KLF8: variants seen among roughly 807,000 people sequenced by gnomAD.
The protein encoded by KLF8 is KLF transcription factor 8.
Under a neutral mutation model 18.2 loss-of-function variants are expected in KLF8, and 10 were observed. The observed-to-expected ratio is 0.55, with a 90% CI of 0.34 to 0.93. KLF8 has a LOEUF of 0.93. Among genes scored for constraint, KLF8 ranks in the 40% least tolerant of loss-of-function variants. The probability of loss-of-function intolerance (pLI) is 0.02; values close to 1 mark genes in which losing one functional copy is unlikely to be tolerated. For synonymous variants in KLF8, 109 were observed against 97.3 expected (o/e 1.12, Z -0.71); for missense variants, 264 against 277.9 (o/e 0.95, Z 0.36).
chrX:56,244,317 C>T (rs2066593324), intron 1 of KLF8, among the ~76,000 whole-genome samples: 1 of 111,832 alleles, frequency 8.9e-6, no homozygotes, highest in Non-Finnish European at 1.9e-5. Flanking sequence ...TCATGTGATC[C>T]TCTTGCCTCA....
At chrX:56,071,701 C>G in the KLF8 span, among the ~76,000 whole-genome samples, 100 of 111,700 alleles carry the variant, frequency 9.0e-4, no homozygotes, top group African/African-American at 2.8e-3. Flanking sequence ...ATGAATAAAA[C>G]AGTACCTAAT....
At chrX:56,135,582 G>A in the KLF8 span, among the ~76,000 whole-genome samples, 1 of 110,565 alleles carries the variant, frequency 9.0e-6, no homozygotes, top group Non-Finnish European at 1.9e-5. Flanking sequence ...GATAGCTTTA[G>A]GAGATATACC....
At chrX:56,071,579 G>A in the KLF8 span, among the ~76,000 whole-genome samples, 1 of 111,724 alleles carries the variant, frequency 9.0e-6, no homozygotes, top group Non-Finnish European at 1.9e-5. Context: ...AGCTTGTGCA[G>A]GATTTTTAAT....
chrX:56,197,362 G>C, the KLF8 span, among the ~76,000 whole-genome samples: 1 of 111,034 alleles, frequency 9.0e-6, no homozygotes, highest in Non-Finnish European at 1.9e-5. Flanking sequence ...TAATAAAAAA[G>C]ACAGATGAAT....
chrX:56,123,309 G>GAAAGA, the KLF8 span, among the ~76,000 whole-genome samples: 72 of 108,155 alleles, frequency 6.7e-4, no homozygotes, highest in African/African-American at 2.6e-3. Context: ...GAGAAAGAAA[G>GAAAGA]AAAGAAAAGA....
At chrX:56,010,945 C>T in the KLF8 span, among the ~76,000 whole-genome samples, 1 of 112,055 alleles carries the variant, frequency 8.9e-6, no homozygotes, top group African/African-American at 3.2e-5. Flanking sequence ...TATGTGTATC[C>T]AACACAGGAG....
At chrX:56,193,003 A>G in the KLF8 span, among the ~76,000 whole-genome samples, 1 of 112,467 alleles carries the variant, frequency 8.9e-6, no homozygotes, top group Non-Finnish European at 1.9e-5. Flanking sequence ...TCTGCACAAC[A>G]AAGAATACAA....
chrX:56,283,527 A>C (rs2067229408), intron 5 of KLF8, among the ~76,000 whole-genome samples: 1 of 111,150 alleles, frequency 9.0e-6, no homozygotes, highest in South Asian at 3.8e-4. Flanking sequence ...GCCCTCCACG[A>C]CGCCCAGCTT....
the KLF8 span, among the ~76,000 whole-genome samples, chrX:56,164,075 G>T: frequency 9.6e-6 from 1 of 103,673 alleles, no homozygotes; most frequent in Non-Finnish European, 2.0e-5. Flanking sequence ...GGCTATTCAG[G>T]CTCTCGTTTG....
At chrX:56,012,014 T>C in the KLF8 span, among the ~76,000 whole-genome samples, 2 of 111,898 alleles carry the variant, frequency 1.8e-5, no homozygotes, top group Non-Finnish European at 3.8e-5. Flanking sequence ...AGCTGAATTC[T>C]ACCAGAGGTA....
At chrX:56,021,056 A>C in the KLF8 span, among the ~76,000 whole-genome samples, 1 of 112,478 alleles carries the variant, frequency 8.9e-6, no homozygotes, top group Non-Finnish European at 1.9e-5. Flanking sequence ...GAAATTATAC[A>C]TGCACAGCTC....
At position 56,265,325 on chromosome X, in the gene KLF8, C is replaced by T; in HGVS notation, c.227C>T (p.Ala76Val). The part of the protein sequence containing the change: ...IKIEPPEELL[A>V]SDFSLPQVEP... ...ATTGAGCCCCCAGAAGAACTTTTGG[C>T]TAGTGATTTCAGCCTGCCCCAAGTG... Residue 76 changes from alanine to valine, a missense_variant, in exon 3 of 6, where the codon GCT becomes GTT. This residue lies in a region of KLF8 where 221 missense variants were observed against 193.6 expected (regional missense o/e 1.14). Transcript: ENST00000468660. 8.3e-7 allele frequency: 1 copy of T among 1,207,739 alleles called. No homozygotes were observed.
chrX:56,106,451 T>C, the KLF8 span, among the ~76,000 whole-genome samples: 1 of 111,965 alleles, frequency 8.9e-6, no homozygotes, highest in Non-Finnish European at 1.9e-5. Flanking sequence ...GTCTTCTGGC[T>C]TCATTAATTT....
At chrX:56,196,058 G>A in the KLF8 span, among the ~76,000 whole-genome samples, 1 of 111,494 alleles carries the variant, frequency 9.0e-6, no homozygotes, top group East Asian at 2.8e-4. Context: ...CACCAGGACT[G>A]CCTTCAAGAG....
the KLF8 span, among the ~76,000 whole-genome samples, chrX:55,924,820 G>GT: frequency 3.4e-3 from 268 of 78,792 alleles, 1 homozygote; most frequent in Middle Eastern, 6.8e-3. Flanking sequence ...TTTCGTGGTG[G>GT]TTTTTTTTTT....
the KLF8 span, among the ~76,000 whole-genome samples, chrX:55,986,534 G>T: frequency 9.0e-6 from 1 of 111,706 alleles, no homozygotes; most frequent in Non-Finnish European, 1.9e-5. Flanking sequence ...ATGAGAACCT[G>T]GATATTTTAG....
the KLF8 span, among the ~76,000 whole-genome samples, chrX:56,202,559 T>TCTC: frequency 1.3e-5 from 1 of 75,801 alleles, no homozygotes; most frequent in Non-Finnish European, 2.6e-5. Context: ...CCATTAACCT[T>TCTC]CCCCCCCCCT....
the KLF8 span, among the ~76,000 whole-genome samples, chrX:56,002,413 G>A: frequency 1.3e-4 from 5 of 39,879 alleles, no homozygotes; most frequent in Non-Finnish European, 2.2e-4. Context: ...ATCAATTTGT[G>A]TGTATGTGTG....
At chrX:56,156,780 T>A in the KLF8 span, among the ~76,000 whole-genome samples, 3 of 101,235 alleles carry the variant, frequency 3.0e-5, no homozygotes, top group Admixed American at 1.1e-4. Flanking sequence ...TGTGTTCGTA[T>A]TGTTCAATTC....
Sources: allele counts gnomAD v4.1 joint callset (sites outside exome capture counted in the v4.1 genomes callset), GRCh38; gene constraint gnomAD v4.1.1; regional missense constraint gnomAD v4.1.1; transcripts MANE v1.5; gene names NCBI Gene and HGNC (gene_info 2026-07-23, HGNC 2026-07-21).